The following PKD2L2 variants were observed in gnomAD, a reference collection of about 807,000 sequenced individuals.
PKD2L2 encodes polycystin-2-like protein 2.
A neutral mutation model predicts 83.9 loss-of-function variants in PKD2L2; 67 were observed. The ratio of observed to expected loss-of-function variants is 0.80; its 90% CI spans 0.66 to 0.98. The LOEUF (loss-of-function observed/expected upper bound fraction) is 0.98. Ranked by LOEUF, PKD2L2 falls within the 50% of genes least tolerant of loss-of-function variation. PKD2L2 has a pLI of 0.00. For missense variants in PKD2L2, 632 were observed against 717.2 expected (o/e 0.88, Z 1.36); for synonymous variants, 223 against 237.8 (o/e 0.94, Z 0.57).
At chr5:137,918,273 A>G (rs1430274416) in intron 8 of PKD2L2, among the ~76,000 whole-genome samples, 1 of 152,020 alleles carries the variant, frequency 6.6e-6, no homozygotes, top group Admixed American at 6.6e-5. Flanking sequence ...ATGCACAATG[A>G]CTTTTTAACT....
intron 12 of PKD2L2, among the ~76,000 whole-genome samples, chr5:137,929,161 T>C (rs1344839452): frequency 2.0e-5 from 3 of 152,050 alleles, no homozygotes; most frequent in African/African-American, 7.2e-5. Context: ...TAAGGGTATA[T>C]AAAAAGATAC....
At chr5:137,908,640 C>CA (rs1757558194) in intron 7 of PKD2L2, 125 bp from the exon 8 acceptor site, 3 of 570,514 alleles carry the variant, frequency 5.3e-6, no homozygotes, top group Non-Finnish European at 5.9e-6. Flanking sequence ...GGGAAATCCT[C>CA]AAACACCCAT....
At chr5:137,897,010 C>A (rs1259347066) in intron 4 of PKD2L2, among the ~76,000 whole-genome samples, 2 of 145,562 alleles carry the variant, frequency 1.4e-5, no homozygotes, top group Non-Finnish European at 3.0e-5. Flanking sequence ...CGAATACATT[C>A]ATAAGTATGA....
chr5:137,906,458 G>T (rs1346855141), intron 6 of PKD2L2, 24 bp downstream of exon 6: 1 of 1,226,644 alleles, frequency 8.2e-7, no homozygotes, highest in Non-Finnish European at 1.2e-6. Flanking sequence ...CATGTGTATG[G>T]TTGAAGGGGA....
chr5:137,920,810 GTAT>G (rs1450247630), intron 8 of PKD2L2, among the ~76,000 whole-genome samples: 3 of 151,722 alleles, frequency 2.0e-5, no homozygotes, highest in Non-Finnish European at 4.4e-5. Flanking sequence ...ATCATGTTGA[GTAT>G]TATTATCAGC....
chr5:137,903,654 CATATT>C (rs1757135901), intron 5 of PKD2L2, among the ~76,000 whole-genome samples: 1 of 152,170 alleles, frequency 6.6e-6, no homozygotes, highest in African/African-American at 2.4e-5. Flanking sequence ...ATAAAACTAA[CATATT>C]GTATGTAATC....
At chr5:137,908,339 G>A (rs1463358239) in intron 7 of PKD2L2, among the ~76,000 whole-genome samples, 1 of 152,036 alleles carries the variant, frequency 6.6e-6, no homozygotes, top group Non-Finnish European at 1.5e-5. Flanking sequence ...TGTAATCCCA[G>A]CATTTTGGGA....
chr5:137,917,837 T>C (rs1355730711), intron 8 of PKD2L2, among the ~76,000 whole-genome samples: 1 of 152,224 alleles, frequency 6.6e-6, no homozygotes, highest in Admixed American at 6.5e-5. Flanking sequence ...TCTTTGTGTA[T>C]CTGGTGATTT....
chr5:137,926,650 AG>A (rs1759400729), intron 12 of PKD2L2, among the ~76,000 whole-genome samples: 1 of 152,190 alleles, frequency 6.6e-6, no homozygotes, highest in Admixed American at 6.5e-5. Context: ...ACTAGTACCC[AG>A]ATCTTGGCTT....
chr5:137,917,053 A>G (rs977062346), intron 8 of PKD2L2, among the ~76,000 whole-genome samples: 1 of 152,024 alleles, frequency 6.6e-6, no homozygotes, highest in Admixed American at 6.6e-5. Flanking sequence ...ATTTCTTCAA[A>G]TAATCTCTCT....
chr5:137,889,468 C>T lies in PKD2L2; in HGVS notation c.-24C>T, dbSNP rs868638669. Reference sequence around the variant, plus strand: ...AGCGCCGCGGCCTCAGGCGAACGAACGGGCGGTGTAGTGCAGGTCCGCCAT... The same window carrying T: ...AGCGCCGCGGCCTCAGGCGAACGAATGGGCGGTGTAGTGCAGGTCCGCCAT... On this transcript the variant is annotated 5_prime_UTR_variant, in exon 1 of 15. It adds an upstream start codon to the 5' untranslated region. Coordinates refer to ENST00000508883, the MANE Select transcript of PKD2L2 (RefSeq NM_001300921.2). 5.0e-6 allele frequency: 8 copies of T among 1,585,182 alleles called. No homozygotes were observed. Among genetic ancestry groups the T allele is most frequent in the Middle Eastern group, 1.7e-4 (1 of 5,958 alleles).
intron 5 of PKD2L2, among the ~76,000 whole-genome samples, chr5:137,900,328 C>T (rs1756845589): frequency 6.6e-6 from 1 of 152,166 alleles, no homozygotes; most frequent in Admixed American, 6.5e-5. Flanking sequence ...AAAGTGATCT[C>T]TTATAGTTCT....
intron 8 of PKD2L2, among the ~76,000 whole-genome samples, chr5:137,911,654 T>A (rs1277710006): frequency 6.6e-6 from 1 of 152,228 alleles, no homozygotes; most frequent in Admixed American, 6.5e-5. Flanking sequence ...CTCATATTTA[T>A]CATTTTTGTG....
In PKD2L2 at chr5:137,925,356, G is replaced by A. The variant is rs1404688892; in HGVS notation, c.1616+252G>A. ...CAAAACCACCACCAACCTATGTGGC[G>A]ATTCTAAATACACCCAGTACACCCA... is the stretch of plus-strand genomic sequence containing the variant. On this transcript the variant is annotated intron_variant, in intron 11 of 14. Transcript: ENST00000508883. 2.6e-5 allele frequency among the ~76,000 whole-genome samples: 4 copies of A among 152,116 alleles called. No homozygotes were observed. In the East Asian group the frequency reaches 5.8e-4, roughly 22 times the overall value.
intron 14 of PKD2L2, 173 bp downstream of exon 14, chr5:137,936,600 C>T (rs1433836829): frequency 6.3e-6 from 1 of 159,082 alleles, no homozygotes; most frequent in Non-Finnish European, 1.3e-5. Context: ...GGACTACAGG[C>T]ATCCGCCACC....
chr5:137,896,671 C>G (rs555471710), intron 4 of PKD2L2, among the ~76,000 whole-genome samples: 1 of 152,104 alleles, frequency 6.6e-6, no homozygotes, highest in Non-Finnish European at 1.5e-5. Flanking sequence ...CTTGCTCTCC[C>G]GAAGAGCTGG....
rs1435837579 is a variant in PKD2L2 at position 137,940,566 on chromosome 5, C to T, written c.*18-1818C>T. 24 of 466,304 alleles carry T rather than the reference C, an allele frequency of 5.1e-5. No individual in the cohort carries two copies. In the East Asian group the frequency reaches 7.8e-4, roughly 15 times the overall value. The allele number at this position is 466,304 out of a possible 1,614,324, so 28.9% of individuals were successfully genotyped here. ...TTCTCTACTGATAGATTAAATGATG[C>T]TATACTTATAAATAATCAACATAGA... On this transcript the variant is annotated intron_variant, in intron 14 of 14. Transcript: ENST00000508883.
intron 14 of PKD2L2, 33 bp downstream of exon 14, chr5:137,936,460 C>CT (rs375553066): frequency 0.19 from 221,159 of 1,158,708 alleles, 815 homozygotes; most frequent in Non-Finnish European, 0.2. Flanking sequence ...TTGAGCATTT[C>CT]TTTTTTTTTT....
chr5:137,935,220 C>T (rs17703853), intron 12 of PKD2L2, among the ~76,000 whole-genome samples: 17,554 of 152,218 alleles, frequency 0.12, 1,583 homozygotes, highest in East Asian at 0.36. Flanking sequence ...TATTTGGACA[C>T]TGTAAGGAAA....
Sources: allele counts gnomAD v4.1 joint callset (sites outside exome capture counted in the v4.1 genomes callset), GRCh38; gene constraint gnomAD v4.1.1; transcripts MANE v1.5; gene names NCBI Gene and HGNC (gene_info 2026-07-23, HGNC 2026-07-21).